Variants in RGS10 observed in about 807,000 individuals in gnomAD.
RGS10 encodes the protein regulator of G-protein signalling 10.
In RGS10, 11 loss-of-function variants were observed where a neutral mutation model predicts 23.5. The ratio of observed to expected loss-of-function variants is 0.47; its 90% CI spans 0.29 to 0.77. The LOEUF is 0.77. Among genes scored for constraint, RGS10 ranks in the 30% least tolerant of loss-of-function variants. The probability of loss-of-function intolerance (pLI) is 0.08; values close to 1 mark genes in which losing one functional copy is unlikely to be tolerated. For synonymous variants in RGS10, 77 were observed against 83.2 expected (o/e 0.92, Z 0.41); for missense variants, 180 against 226.3 (o/e 0.80, Z 1.31).
At chr10:119,530,117 C>T (rs1383040810) in intron 1 of RGS10, among the ~76,000 whole-genome samples, 3 of 152,224 alleles carry the variant, frequency 2.0e-5, no homozygotes, top group Middle Eastern at 6.8e-3. Context: ...AATAAATCAG[C>T]ACAGCAAACC....
At chr10:119,502,666 C>T (rs984427749) in intron 4 of RGS10, among the ~76,000 whole-genome samples, 2 of 152,020 alleles carry the variant, frequency 1.3e-5, no homozygotes, top group South Asian at 2.1e-4. Flanking sequence ...TGGCAGGACT[C>T]GACCCCGAGA....
At chr10:119,508,166 T>G (rs1323518168) in intron 4 of RGS10, among the ~76,000 whole-genome samples, 1 of 151,280 alleles carries the variant, frequency 6.6e-6, no homozygotes, top group Non-Finnish European at 1.5e-5. Flanking sequence ...TCCGGCTAAT[T>G]TTTTTGTATT....
intron 1 of RGS10, among the ~76,000 whole-genome samples, chr10:119,530,622 C>T (rs955460273): frequency 1.3e-5 from 2 of 152,178 alleles, no homozygotes; most frequent in Non-Finnish European, 2.9e-5. Flanking sequence ...CTCAGGTGTT[C>T]GAGACCAGCC....
chr10:119,526,745 C>T (rs959620455), intron 2 of RGS10, among the ~76,000 whole-genome samples: 3 of 152,178 alleles, frequency 2.0e-5, no homozygotes, highest in Non-Finnish European at 4.4e-5. Context: ...CTATTCCTGA[C>T]CCAAGACTTA....
chr10:119,503,266 G>T (rs1010319732), intron 4 of RGS10, among the ~76,000 whole-genome samples: 1 of 151,852 alleles, frequency 6.6e-6, no homozygotes, highest in African/African-American at 2.4e-5. Flanking sequence ...CTAAGCCCGC[G>T]GAGGTTGAGG....
intron 3 of RGS10, among the ~76,000 whole-genome samples, chr10:119,519,387 G>A (rs1406457424): frequency 8.2e-6 from 1 of 121,538 alleles, no homozygotes; most frequent in Non-Finnish European, 1.6e-5. Context: ...CCCTGTATCT[G>A]TCCCCCAGCT....
In RGS10 at chr10:119,499,926, T is replaced by A. The variant is rs1403363491; in HGVS notation, c.*187A>T. 1.8e-6 allele frequency: 1 copy of A among 540,914 alleles called. No individual in the cohort carries two copies. Among genetic ancestry groups the A allele is most frequent in the East Asian group, 3.1e-5 (1 of 31,930 alleles). 33.5% of individuals were successfully genotyped at this position (540,914 alleles called of 1,614,324 possible). ...ACTAAAACTTCCAAGTTATTATTAT[T>A]CTTTTTTTATGTTAGCTTAGCCATC... On this transcript the variant is annotated 3_prime_UTR_variant, in exon 5 of 5. Coordinates refer to ENST00000369103, the MANE Select transcript of RGS10 (RefSeq NM_001005339.2).
intron 3 of RGS10, among the ~76,000 whole-genome samples, chr10:119,518,383 C>T (rs559249686): frequency 1.8e-4 from 27 of 152,340 alleles, no homozygotes; most frequent in African/African-American, 6.3e-4. Flanking sequence ...CCAGTGAGCA[C>T]CTTCCAGGCA....
At chr10:119,507,255 C>T (rs1174160792) in intron 4 of RGS10, among the ~76,000 whole-genome samples, 1 of 152,168 alleles carries the variant, frequency 6.6e-6, no homozygotes, top group Non-Finnish European at 1.5e-5. Context: ...TGGCTCTGGC[C>T]ACCACCACAG....
At chr10:119,507,935 G>T (rs891931015) in intron 4 of RGS10, among the ~76,000 whole-genome samples, 8 of 151,932 alleles carry the variant, frequency 5.3e-5, no homozygotes, top group Admixed American at 4.6e-4. Flanking sequence ...GCTTTTCCAG[G>T]CTAGAGTTTA....
intron 1 of RGS10, among the ~76,000 whole-genome samples, chr10:119,540,857 C>A (rs1158139430): frequency 6.6e-6 from 1 of 152,202 alleles, no homozygotes; most frequent in Non-Finnish European, 1.5e-5. Context: ...ACACATTGTA[C>A]TAGGGGCTTC....
chr10:119,539,415 C>T (rs1844417679), intron 1 of RGS10, among the ~76,000 whole-genome samples: 1 of 152,182 alleles, frequency 6.6e-6, no homozygotes, highest in Admixed American at 6.5e-5. Context: ...GAGAGGTCAC[C>T]CCTGGGTGCA....
Position 119,500,050 on chromosome 10 carries a change from G to A in RGS10, c.*63C>T, listed in dbSNP as rs533878986. On this transcript the variant is annotated 3_prime_UTR_variant, in exon 5 of 5. Transcript: ENST00000369103. The stretch of plus-strand genomic sequence containing the variant: ...CAAATAACAAAGCAATGATAAACCC[G>A]GCACGGTCCTGAGAGGAAATTCCTT... 1.3e-5 allele frequency: 20 copies of A among 1,552,114 alleles called. 1 individual carries two copies. The South Asian group carries it at 1.3e-4, about 10-fold the overall frequency.
intron 4 of RGS10, among the ~76,000 whole-genome samples, chr10:119,504,714 GGAA>G (rs1354045336): frequency 6.6e-6 from 1 of 152,144 alleles, no homozygotes; most frequent in East Asian, 1.9e-4. Flanking sequence ...ACACACTGAG[GGAA>G]GAAGGCGTGT....
At chr10:119,518,461 G>A (rs909193620) in intron 3 of RGS10, among the ~76,000 whole-genome samples, 4 of 152,208 alleles carry the variant, frequency 2.6e-5, no homozygotes, top group Non-Finnish European at 4.4e-5. Context: ...TCAGCCAGAC[G>A]TCAGCTCTCG....
rs1160475134 is a variant in RGS10 at position 119,542,536 on chromosome 10, G to A, written c.49+54C>T. 8.9e-6 allele frequency: 12 copies of A among 1,353,872 alleles called. No individual in the cohort carries two copies. The East Asian group carries it at 2.5e-4, about 28-fold the overall frequency. The allele number at this position is 1,353,872 out of a possible 1,614,324, so 83.9% of individuals were successfully genotyped here. A position where few individuals can be genotyped will look rare whatever the true frequency, so the allele number is the denominator to read the frequency against. On this transcript the variant is annotated intron_variant, in intron 1 of 4. Coordinates refer to ENST00000369103, the MANE Select transcript of RGS10 (RefSeq NM_001005339.2). ...GCACAAGAGGGAGGGCAGGAGGCCG[G>A]GCGGGCGAAACGGCGCCCCGACCCC...
rs915052907 is a variant in RGS10, at chr10:119,527,244, T to C, written c.168+62A>G. 2.5e-6 allele frequency: 3 copies of C among 1,206,868 alleles called. No homozygotes were observed. The highest frequency in any genetic ancestry group is 1.5e-5 in the African/African-American group (1 of 67,182). The allele number at this position is 1,206,868 out of a possible 1,614,324, so 74.8% of individuals were successfully genotyped here. A position where few individuals can be genotyped will look rare whatever the true frequency, so the allele number is the denominator to read the frequency against. ...ATGTTGAACTGGCCTATTTCTCCCC[T>C]GTGTGCATCTGAACTTCTGCACACA... On this transcript the variant is annotated intron_variant, in intron 2 of 4. Coordinates refer to ENST00000369103, the MANE Select transcript of RGS10 (RefSeq NM_001005339.2). The surrounding 1 kb of genome is among the most constrained non-coding windows in gnomAD (Gnocchi z 4.2).
At chr10:119,518,959 G>A (rs572275218) in intron 3 of RGS10, among the ~76,000 whole-genome samples, 3 of 152,288 alleles carry the variant, frequency 2.0e-5, no homozygotes, top group Admixed American at 2.0e-4. Context: ...ACCTGCCTCA[G>A]CCTCCCAAAG....
At chr10:119,503,580 C>T (rs747805234) in intron 4 of RGS10, among the ~76,000 whole-genome samples, 4 of 152,162 alleles carry the variant, frequency 2.6e-5, no homozygotes, top group Non-Finnish European at 5.9e-5. Context: ...CGCTGGGCAG[C>T]GTGTGGGCAT....
Sources: allele counts gnomAD v4.1 joint callset (sites outside exome capture counted in the v4.1 genomes callset), GRCh38; gene constraint gnomAD v4.1.1; non-coding constraint Gnocchi (gnomAD v3.1); transcripts MANE v1.5; gene names NCBI Gene and HGNC (gene_info 2026-07-23, HGNC 2026-07-21).